The following CHCHD6 variants were observed in gnomAD, a reference collection of about 807,000 sequenced individuals.
The protein encoded by CHCHD6 is MICOS complex subunit MIC25.
CHCHD6 carries 28 observed loss-of-function variants against 32.3 expected under a neutral mutation model. The ratio of observed to expected loss-of-function variants is 0.87; its 90% CI spans 0.64 to 1.19. CHCHD6 has a LOEUF of 1.19. Ranked by LOEUF, CHCHD6 falls within the 50% of genes most tolerant of loss-of-function variation. The pLI is 0.00. For missense variants in CHCHD6, 333 were observed against 307.0 expected, an observed-to-expected ratio of 1.08 and a Z score of -0.63; for synonymous variants, 122 against 117.5, an observed-to-expected ratio of 1.04 and a Z score of -0.25.
At chr3:126,747,826 A>G (rs1329727324) in intron 4 of CHCHD6, among the ~76,000 whole-genome samples, 1 of 152,178 alleles carries the variant, frequency 6.6e-6, no homozygotes, top group East Asian at 1.9e-4. Context: ...AACCCCACCA[A>G]CTGCTTTCTC....
intron 1 of CHCHD6, among the ~76,000 whole-genome samples, chr3:126,722,629 G>A (rs182876664): frequency 6.6e-6 from 1 of 152,004 alleles, no homozygotes; most frequent in Non-Finnish European, 1.5e-5. Flanking sequence ...TAGATCCTTT[G>A]CCCATTTTTA....
chr3:126,794,294 T>C (rs1170476305), intron 4 of CHCHD6, among the ~76,000 whole-genome samples: 1 of 148,470 alleles, frequency 6.7e-6, no homozygotes, highest in Non-Finnish European at 1.5e-5. Flanking sequence ...AGTTTGTATA[T>C]ATTTATATAT....
intron 6 of CHCHD6, among the ~76,000 whole-genome samples, chr3:126,934,594 G>T (rs1193939904): frequency 7.8e-6 from 1 of 128,408 alleles, no homozygotes; most frequent in African/African-American, 3.0e-5. Context: ...TGTCGCCCAG[G>T]CTGGAGTGCA....
At chr3:126,862,509 C>T (rs1424042976) in intron 5 of CHCHD6, among the ~76,000 whole-genome samples, 3 of 138,470 alleles carry the variant, frequency 2.2e-5, no homozygotes, top group Non-Finnish European at 1.6e-5. Context: ...CCTCCCCCTC[C>T]TCCACCATCA....
At chr3:126,890,276 C>T (rs986445853) in intron 5 of CHCHD6, among the ~76,000 whole-genome samples, 44 of 152,232 alleles carry the variant, frequency 2.9e-4, no homozygotes, top group Admixed American at 2.9e-3. Context: ...TGGGCATGCA[C>T]GTGTCCTTCA....
intron 4 of CHCHD6, among the ~76,000 whole-genome samples, chr3:126,741,669 A>G (rs1425669471): frequency 6.6e-6 from 1 of 152,206 alleles, no homozygotes; most frequent in Non-Finnish European, 1.5e-5. Context: ...AAACAACTGG[A>G]TAAGACTCTT....
At chr3:126,825,207 G>A (rs1940336469) in intron 4 of CHCHD6, among the ~76,000 whole-genome samples, 1 of 151,908 alleles carries the variant, frequency 6.6e-6, no homozygotes, top group Non-Finnish European at 1.5e-5. Flanking sequence ...CTAGTGTGGG[G>A]ACTTTTATAG....
At chr3:126,929,117 G>A (rs752805461) in intron 6 of CHCHD6, among the ~76,000 whole-genome samples, 4 of 152,224 alleles carry the variant, frequency 2.6e-5, no homozygotes, top group Non-Finnish European at 4.4e-5. Flanking sequence ...GATATCTGAA[G>A]ATAACTTTTA....
At chr3:126,766,883 C>A in intron 4 of CHCHD6, 2 of 976,648 alleles carry the variant, frequency 2.0e-6, no homozygotes, top group Non-Finnish European at 3.3e-6. Flanking sequence ...AGGTGGGGGA[C>A]CATCTCATCC....
intron 4 of CHCHD6, among the ~76,000 whole-genome samples, chr3:126,850,571 G>A (rs1486948551): frequency 1.3e-5 from 2 of 152,176 alleles, no homozygotes; most frequent in Non-Finnish European, 2.9e-5. Context: ...GGATGGTGGT[G>A]GATGTGTGAA....
chr3:126,932,163 C>A (rs1025155757), intron 6 of CHCHD6, among the ~76,000 whole-genome samples: 2 of 152,176 alleles, frequency 1.3e-5, no homozygotes, highest in Non-Finnish European at 2.9e-5. Flanking sequence ...AGAGCCTTCA[C>A]CATGCCCTGC....
chr3:126,741,027 T>A (rs1037965244), intron 4 of CHCHD6, among the ~76,000 whole-genome samples: 1 of 152,236 alleles, frequency 6.6e-6, no homozygotes, highest in Non-Finnish European at 1.5e-5. Context: ...GCAGTAGTGA[T>A]GCCTGCCTTG....
intron 6 of CHCHD6, among the ~76,000 whole-genome samples, chr3:126,936,987 G>A (rs1372175022): frequency 6.6e-6 from 1 of 152,144 alleles, no homozygotes; most frequent in African/African-American, 2.4e-5. Flanking sequence ...TTAGCATCCC[G>A]CCACCTCACA....
chr3:126,864,661 ACCTCCTCCACCATCATCTCCTCCT>A (rs1559890298), intron 5 of CHCHD6, among the ~76,000 whole-genome samples: 10 of 82,044 alleles, frequency 1.2e-4, no homozygotes, highest in Middle Eastern at 0.014. Flanking sequence ...CTCCTCCTCC[ACCTCCTCCACCATCATCTCCTCCT>A]CCTCCTCCAC....
intron 4 of CHCHD6, among the ~76,000 whole-genome samples, chr3:126,751,512 A>G (rs984154483): frequency 1.3e-5 from 2 of 151,366 alleles, no homozygotes; most frequent in Non-Finnish European, 3.0e-5. Flanking sequence ...TCAAAAAAAA[A>G]AAAAAAAAAA....
intron 4 of CHCHD6, among the ~76,000 whole-genome samples, chr3:126,759,504 A>G (rs1937084939): frequency 6.6e-6 from 1 of 152,178 alleles, no homozygotes; most frequent in Non-Finnish European, 1.5e-5. Context: ...GTGTGCTTTA[A>G]TCTAGTAGAA....
intron 6 of CHCHD6, among the ~76,000 whole-genome samples, chr3:126,938,199 G>C (rs888067616): frequency 3.3e-5 from 5 of 152,174 alleles, no homozygotes; most frequent in Non-Finnish European, 5.9e-5. Flanking sequence ...CTGTTGGCCT[G>C]GGGACAAGGA....
At chr3:126,913,441 GC>G (rs1257222857) in intron 5 of CHCHD6, among the ~76,000 whole-genome samples, 1 of 151,722 alleles carries the variant, frequency 6.6e-6, no homozygotes, top group Non-Finnish European at 1.5e-5. Flanking sequence ...TGCCATTTGG[GC>G]CAGGCTGATC....
At chr3:126,761,490 A>T (rs1031803034) in intron 4 of CHCHD6, among the ~76,000 whole-genome samples, 1 of 152,204 alleles carries the variant, frequency 6.6e-6, no homozygotes, top group East Asian at 1.9e-4. Flanking sequence ...CATTCTGCAC[A>T]TCATAGCTAA....
Sources: allele counts gnomAD v4.1 joint callset (sites outside exome capture counted in the v4.1 genomes callset), GRCh38; gene constraint gnomAD v4.1.1; transcripts MANE v1.5; gene names NCBI Gene and HGNC (gene_info 2026-07-23, HGNC 2026-07-21).